SLC35F1: variants seen among roughly 807,000 people sequenced by gnomAD.
The protein encoded by SLC35F1 is solute carrier family 35 member F1.
In SLC35F1, 14 loss-of-function variants were observed where a neutral mutation model predicts 48.7. The ratio of observed to expected loss-of-function variants is 0.29; its 90% CI spans 0.19 to 0.45. The LOEUF is 0.45. SLC35F1 is among the 20% of genes least tolerant of loss of function. The probability of loss-of-function intolerance (pLI) is 1.00; values close to 1 mark genes in which losing one functional copy is unlikely to be tolerated. For synonymous variants in SLC35F1, 190 were observed against 202.2 expected (o/e 0.94, Z 0.51); for missense variants, 404 against 500.0 (o/e 0.81, Z 1.83).
chr6:118,198,801 A>G (rs1260414553), intron 2 of SLC35F1, among the ~76,000 whole-genome samples: 1 of 152,188 alleles, frequency 6.6e-6, no homozygotes, highest in Non-Finnish European at 1.5e-5. Context: ...CCTGTTGCCA[A>G]TCCCAGGGGA....
intron 3 of SLC35F1, among the ~76,000 whole-genome samples, chr6:118,251,182 G>A (rs1775569959): frequency 6.6e-6 from 1 of 152,122 alleles, no homozygotes; most frequent in African/African-American, 2.4e-5. Context: ...CAGCTACTCA[G>A]AAGGCTGGGG....
At chr6:118,078,351 A>C (rs1484394928) in intron 1 of SLC35F1, among the ~76,000 whole-genome samples, 1 of 152,154 alleles carries the variant, frequency 6.6e-6, no homozygotes, top group African/African-American at 2.4e-5. Context: ...AAGAGAGGCA[A>C]ATTTACCTGT....
At chr6:118,126,997 G>A (rs957805745) in intron 1 of SLC35F1, among the ~76,000 whole-genome samples, 10 of 151,616 alleles carry the variant, frequency 6.6e-5, no homozygotes, top group African/African-American at 2.4e-4. Context: ...AATTGCCCTG[G>A]CCAGAACTTC....
At chr6:117,987,446 C>T (rs1255528446) in intron 1 of SLC35F1, among the ~76,000 whole-genome samples, 1 of 151,668 alleles carries the variant, frequency 6.6e-6, no homozygotes. Context: ...TCTCCTCCTC[C>T]CTTCCCTTCT....
intron 2 of SLC35F1, among the ~76,000 whole-genome samples, chr6:118,197,713 T>C (rs984388435): frequency 4.7e-5 from 7 of 149,204 alleles, no homozygotes; most frequent in Non-Finnish European, 7.5e-5. Context: ...TTTTCTTTCT[T>C]TTTTTTTTTG....
At chr6:117,974,407 T>A (rs1462048852) in intron 1 of SLC35F1, among the ~76,000 whole-genome samples, 1 of 152,202 alleles carries the variant, frequency 6.6e-6, no homozygotes, top group African/African-American at 2.4e-5. Flanking sequence ...AATTTCTTAT[T>A]CTGCACTGAA....
chr6:117,986,169 C>G lies in SLC35F1; in HGVS notation c.173+78270C>G, dbSNP rs563461544. ...GCTCACCAGAGACTAAACAGTGTCC[C>G]AGTTCTCATTTCCTGGGAGACAGAA... is the stretch of plus-strand genomic sequence containing the variant. On this transcript the variant is annotated intron_variant, in intron 1 of 7. Coordinates refer to ENST00000360388, the MANE Select transcript of SLC35F1 (RefSeq NM_001029858.4). Among the ~76,000 whole-genome samples, 214 of 152,294 alleles carry G rather than the reference C, an allele frequency of 1.4e-3. 1 individual carries two copies. Among genetic ancestry groups the G allele is most frequent in the African/African-American group, 5.0e-3 (207 of 41,566 alleles).
intron 2 of SLC35F1, among the ~76,000 whole-genome samples, chr6:118,201,189 A>T (rs1774869721): frequency 6.6e-6 from 1 of 152,222 alleles, no homozygotes; most frequent in Non-Finnish European, 1.5e-5. Context: ...ATGGAGGAGC[A>T]TGCAAAAAAA....
At chr6:118,193,510 A>G (rs536118125) in intron 2 of SLC35F1, among the ~76,000 whole-genome samples, 14 of 152,264 alleles carry the variant, frequency 9.2e-5, no homozygotes, top group Admixed American at 8.5e-4. Context: ...CAATCCTTTA[A>G]CCCTCTAAAC....
At chr6:118,100,289 C>G (rs1773237375) in intron 1 of SLC35F1, among the ~76,000 whole-genome samples, 1 of 151,968 alleles carries the variant, frequency 6.6e-6, no homozygotes, top group African/African-American at 2.4e-5. Context: ...AGTTTTGAAC[C>G]AAATAGACCA....
intron 1 of SLC35F1, among the ~76,000 whole-genome samples, chr6:118,018,524 T>C (rs1022185216): frequency 2.0e-5 from 3 of 151,998 alleles, no homozygotes; most frequent in African/African-American, 7.2e-5. Flanking sequence ...ATCTTTGTTA[T>C]TGTTATTATT....
chr6:118,041,600 A>G (rs1441462346), intron 1 of SLC35F1, among the ~76,000 whole-genome samples: 1 of 152,216 alleles, frequency 6.6e-6, no homozygotes, highest in Non-Finnish European at 1.5e-5. Flanking sequence ...GTTTGGTACA[A>G]AGGAATAAAG....
intron 1 of SLC35F1, among the ~76,000 whole-genome samples, chr6:118,074,774 G>A (rs1022329385): frequency 6.6e-6 from 1 of 152,102 alleles, no homozygotes; most frequent in African/African-American, 2.4e-5. Context: ...TCAGCCTTCT[G>A]GTACCTGGGA....
At chr6:118,019,138 T>C (rs1266848834) in intron 1 of SLC35F1, among the ~76,000 whole-genome samples, 1 of 151,960 alleles carries the variant, frequency 6.6e-6, no homozygotes, top group East Asian at 1.9e-4. Context: ...CTAAGTTTTT[T>C]GCTTCCTAGT....
chr6:118,028,612 T>A (rs566409793), intron 1 of SLC35F1, among the ~76,000 whole-genome samples: 1 of 151,952 alleles, frequency 6.6e-6, no homozygotes, highest in Non-Finnish European at 1.5e-5. Context: ...TGGGGGAGGA[T>A]CCACAGAACA....
At chr6:118,067,716 A>G (rs1287656985) in intron 1 of SLC35F1, among the ~76,000 whole-genome samples, 1 of 152,218 alleles carries the variant, frequency 6.6e-6, no homozygotes, top group African/African-American at 2.4e-5. Context: ...GGTTTAAATT[A>G]GATTAAAGCA....
At chr6:118,046,627 T>G (rs187677615) in intron 1 of SLC35F1, among the ~76,000 whole-genome samples, 2 of 152,256 alleles carry the variant, frequency 1.3e-5, no homozygotes, top group East Asian at 3.9e-4. Flanking sequence ...AGTCTCAAAG[T>G]TGTGAGAATT....
intron 1 of SLC35F1, among the ~76,000 whole-genome samples, chr6:118,023,269 C>T (rs377004686): frequency 3.0e-4 from 46 of 152,206 alleles, no homozygotes; most frequent in Middle Eastern, 3.4e-3. Flanking sequence ...AAATGCAAAA[C>T]GAAAATGCTG....
intron 1 of SLC35F1, among the ~76,000 whole-genome samples, chr6:117,966,388 C>T (rs531003235): frequency 4.0e-5 from 6 of 151,776 alleles, no homozygotes; most frequent in African/African-American, 7.3e-5. Flanking sequence ...CTGTAACACT[C>T]GCCGCGAAGA....
Sources: gnomAD v4.1 joint callset for allele counts (sites outside exome capture counted in the v4.1 genomes callset) on GRCh38, gnomAD v4.1.1 for gene constraint, MANE v1.5 for transcripts, NCBI Gene and HGNC (gene_info 2026-07-23, HGNC 2026-07-21) for gene names.